Variants in DAP3 observed in about 807,000 individuals in gnomAD.
The protein encoded by DAP3 is death associated protein 3.
Under a neutral mutation model 51.9 loss-of-function variants are expected in DAP3, and 28 were observed. The observed-to-expected ratio is 0.54, with a 90% confidence interval of 0.40 to 0.74. DAP3 has a LOEUF of 0.74. DAP3 is among the 30% of genes least tolerant of loss of function. The pLI is 0.00. For synonymous variants in DAP3, 170 were observed against 170.3 expected (o/e 1.00, Z 0.01); for missense variants, 458 against 483.5 (o/e 0.95, Z 0.49).
At chr1:155,730,137 CAT>C (rs556321277) in intron 9 of DAP3, among the ~76,000 whole-genome samples, 178 of 143,524 alleles carry the variant, frequency 1.2e-3, no homozygotes, top group African/African-American at 3.6e-3. Flanking sequence ...TACATATATT[CAT>C]ATGTTTTCAT....
At chr1:155,708,546 T>G (rs112557661) in intron 1 of DAP3, among the ~76,000 whole-genome samples, 14 of 143,644 alleles carry the variant, frequency 9.7e-5, no homozygotes, top group East Asian at 2.0e-4. Flanking sequence ...TTTTGTTTTT[T>G]TTTTTTTTTT....
rs750306311 is a variant in DAP3, at chr1:155,729,083, C to T, written c.645C>T (p.Ser215=). The T allele has an allele frequency of 6.2e-7, 1 of 1,614,018 alleles. No individual in the cohort carries two copies. The highest frequency in any genetic ancestry group is 8.5e-7 in the Non-Finnish European group (1 of 1,180,020). The change falls in exon 8 of 13, where the codon AGC becomes AGT. Residue 215 remains serine (S), a synonymous_variant. Transcript: ENST00000368336. ...QEKYVWNKRE[S]TEKGSPLGEV... The stretch of plus-strand genomic sequence containing the variant: ...AGTATGTCTGGAATAAGAGAGAAAG[C>T]ACTGAGAAAGGGAGTCCTCTGGGAG...
At chr1:155,690,291 C>G (rs1653575949) in intron 1 of DAP3, among the ~76,000 whole-genome samples, 1 of 141,498 alleles carries the variant, frequency 7.1e-6, no homozygotes, top group Admixed American at 6.6e-5. Flanking sequence ...GTGGCTCACA[C>G]CTGTAATCTC....
At chr1:155,733,059 C>G (rs2149202694) in intron 11 of DAP3, among the ~76,000 whole-genome samples, 1 of 152,334 alleles carries the variant, frequency 6.6e-6, no homozygotes, top group African/African-American at 2.4e-5. Context: ...TCTTTGGTCT[C>G]CTTTAATCTG....
chr1:155,725,564 A>C (rs1658477837), intron 5 of DAP3, 74 bp downstream of exon 5: 4 of 1,415,564 alleles, frequency 2.8e-6, no homozygotes, highest in Non-Finnish European at 4.0e-6. Context: ...AGAAGAAATG[A>C]AAAAAAGTAC....
intron 1 of DAP3, among the ~76,000 whole-genome samples, chr1:155,701,024 G>T (rs1420521589): frequency 2.5e-5 from 3 of 121,834 alleles, no homozygotes; most frequent in East Asian, 2.4e-4. Flanking sequence ...CCCCCCGCCC[G>T]GCCAGCCGCC....
chr1:155,732,128 CT>C, intron 11 of DAP3, 95 bp downstream of exon 11: 1 of 1,148,226 alleles, frequency 8.7e-7, no homozygotes, highest in Non-Finnish European at 1.2e-6. Context: ...TAATTTCAGA[CT>C]TAGAGAAAAA....
intron 3 of DAP3, among the ~76,000 whole-genome samples, chr1:155,720,250 G>A (rs1657818702): frequency 6.8e-6 from 1 of 146,478 alleles, no homozygotes; most frequent in Non-Finnish European, 1.5e-5. Flanking sequence ...TCTTGAGCCT[G>A]GGAATTGGAG....
At chr1:155,711,598 C>G (rs678688) in intron 2 of DAP3, among the ~76,000 whole-genome samples, 2 of 142,104 alleles carry the variant, frequency 1.4e-5, no homozygotes, top group South Asian at 2.3e-4. Flanking sequence ...TTTTTTTTTA[C>G]TAGTTTGGTT....
chr1:155,691,814 T>C lies in DAP3; in HGVS notation c.-8+2640T>C, dbSNP rs1409877217. ...AAGTGTATCTCATTGTGGTTTTTAT[T>C]TGCATTTTCTTAATTTTGGGGGACC... On this transcript the variant is annotated intron_variant, in intron 1 of 12. Transcript: ENST00000368336. Among the ~76,000 whole-genome samples the C allele has an allele frequency of 1.4e-5, 2 of 141,700 alleles. 1 individual carries two copies. Among genetic ancestry groups the C allele is most frequent in the African/African-American group, 6.4e-5 (2 of 31,206 alleles). 93.0% of individuals were successfully genotyped at this position (141,700 alleles called of 152,430 possible).
intron 1 of DAP3, among the ~76,000 whole-genome samples, chr1:155,704,303 A>C (rs2149132766): frequency 6.6e-6 from 1 of 152,324 alleles, no homozygotes. Context: ...TCTGACCGTC[A>C]TTTCTCATAG....
intron 7 of DAP3, among the ~76,000 whole-genome samples, chr1:155,728,447 A>T (rs1658837853): frequency 6.6e-6 from 1 of 152,036 alleles, no homozygotes; most frequent in African/African-American, 2.4e-5. Context: ...CTGTAGGCCC[A>T]TCTATTCAGG....
chr1:155,735,838 A>AT (rs35138415), intron 11 of DAP3, among the ~76,000 whole-genome samples: 8,584 of 82,430 alleles, frequency 0.1, 1,538 homozygotes, highest in African/African-American at 0.36. Context: ...CGCCTGGCTA[A>AT]TTTTTTTTTT....
At chr1:155,695,122 T>C (rs1278976352) in intron 1 of DAP3, among the ~76,000 whole-genome samples, 1 of 152,220 alleles carries the variant, frequency 6.6e-6, no homozygotes, top group Non-Finnish European at 1.5e-5. Flanking sequence ...CCTGGTCTGT[T>C]GTCTGTTTTT....
At chr1:155,715,693 CT>C (rs929119458) in intron 2 of DAP3, among the ~76,000 whole-genome samples, 3 of 152,194 alleles carry the variant, frequency 2.0e-5, no homozygotes, top group Admixed American at 2.0e-4. Flanking sequence ...CATAACACAT[CT>C]TTTCACTTTC....
chr1:155,690,877 C>T (rs1653710068), intron 1 of DAP3, among the ~76,000 whole-genome samples: 1 of 142,154 alleles, frequency 7.0e-6, no homozygotes, highest in African/African-American at 3.2e-5. Context: ...GCAACTAGGA[C>T]TACAGGCACA....
chr1:155,725,584 C>CG, intron 5 of DAP3, 94 bp downstream of exon 5: 2 of 1,202,258 alleles, frequency 1.7e-6, no homozygotes, highest in Non-Finnish European at 2.4e-6. Flanking sequence ...CTGTTGAGGC[C>CG]GGGCATGGTA....
chr1:155,728,960 C>A, intron 7 of DAP3, 82 bp from the exon 8 acceptor site: 2 of 1,378,372 alleles, frequency 1.5e-6, no homozygotes, highest in Non-Finnish European at 2.0e-6. Context: ...TTAACCTTAG[C>A]CTCCAACCTT....
intron 1 of DAP3, among the ~76,000 whole-genome samples, chr1:155,700,131 T>A (rs1463819320): frequency 6.6e-6 from 1 of 152,086 alleles, no homozygotes; most frequent in East Asian, 1.9e-4. Flanking sequence ...GAGACAGGGT[T>A]TCACCATGTT....
Sources: gnomAD v4.1 joint callset for allele counts (sites outside exome capture counted in the v4.1 genomes callset) on GRCh38, gnomAD v4.1.1 for gene constraint, MANE v1.5 for transcripts, NCBI Gene and HGNC (gene_info 2026-07-23, HGNC 2026-07-21) for gene names.